IMPG1: variants seen among roughly 807,000 people sequenced by gnomAD.
IMPG1 encodes the protein interphotoreceptor matrix proteoglycan 1.
IMPG1 carries 85 observed loss-of-function variants against 92.0 expected under a neutral mutation model. The ratio of observed to expected loss-of-function variants is 0.92; its 90% CI spans 0.78 to 1.11. The LOEUF is 1.11. IMPG1 is among the 50% of genes least tolerant of loss of function. The pLI is 0.00. For synonymous variants in IMPG1, 367 were observed against 334.1 expected, an observed-to-expected ratio of 1.10 and a Z score of -1.08; for missense variants, 1,022 against 956.0, an observed-to-expected ratio of 1.07 and a Z score of -0.91.
chr6:75,969,403 A>G (rs1782364541), intron 12 of IMPG1, among the ~76,000 whole-genome samples: 1 of 152,200 alleles, frequency 6.6e-6, no homozygotes, highest in Non-Finnish European at 1.5e-5. Flanking sequence ...CATATTTCAA[A>G]ATATCATGTA....
At chr6:76,054,094 ATAAT>A (rs1336220586) in intron 1 of IMPG1, among the ~76,000 whole-genome samples, 1 of 152,156 alleles carries the variant, frequency 6.6e-6, no homozygotes, top group Non-Finnish European at 1.5e-5. Flanking sequence ...ATTTGGGCAA[ATAAT>A]TAATTTCTAT....
At chr6:76,057,883 C>T (rs1489745289) in intron 1 of IMPG1, among the ~76,000 whole-genome samples, 1 of 152,020 alleles carries the variant, frequency 6.6e-6, no homozygotes, top group African/African-American at 2.4e-5. Flanking sequence ...TCTTTGAAAA[C>T]TTTTACTTTA....
chr6:76,015,655 C>A (rs1783272352), intron 7 of IMPG1, among the ~76,000 whole-genome samples: 1 of 151,784 alleles, frequency 6.6e-6, no homozygotes, highest in African/African-American at 2.4e-5. Flanking sequence ...ACAAAATTAG[C>A]CAGCCTTGGT....
At chr6:76,071,063 G>A (rs1215861340) in intron 1 of IMPG1, among the ~76,000 whole-genome samples, 1 of 150,420 alleles carries the variant, frequency 6.6e-6, no homozygotes, top group African/African-American at 2.4e-5. Flanking sequence ...CAGTTTTCTT[G>A]ATAAGCTTAT....
chr6:75,930,943 C>T lies in IMPG1; in HGVS notation c.2243+10G>A. 6.2e-7 allele frequency: 1 copy of T among 1,613,318 alleles called. No homozygotes were observed. The highest frequency in any genetic ancestry group is 1.1e-5 in the South Asian group (1 of 91,056). Reference sequence around the variant, plus strand: ...TTCTTGAGTCTGTGACGTTAGCATGCTTGACCCACCTGCATGGAGCTCCCT... The same window carrying T: ...TTCTTGAGTCTGTGACGTTAGCATGTTTGACCCACCTGCATGGAGCTCCCT... On this transcript the variant is annotated intron_variant, in intron 15 of 16. Coordinates refer to ENST00000369950, the MANE Select transcript of IMPG1 (RefSeq NM_001563.4).
chr6:76,006,643 TAA>T (rs927271190), intron 9 of IMPG1, among the ~76,000 whole-genome samples: 7 of 151,716 alleles, frequency 4.6e-5, no homozygotes, highest in Admixed American at 1.3e-4. Context: ...ATTTTTTAAT[TAA>T]AAAAATACAA....
At chr6:75,940,738 C>T (rs893640148) in intron 14 of IMPG1, among the ~76,000 whole-genome samples, 2 of 152,048 alleles carry the variant, frequency 1.3e-5, no homozygotes, top group South Asian at 4.1e-4. Context: ...GCTTTCCCTT[C>T]CTTCCAATCT....
At chr6:76,001,585 T>C (rs1361099136) in intron 12 of IMPG1, among the ~76,000 whole-genome samples, 1 of 152,156 alleles carries the variant, frequency 6.6e-6, no homozygotes, top group Admixed American at 6.5e-5. Flanking sequence ...CAAGCAACCC[T>C]GTGGAGAGAC....
At chr6:75,948,357 C>T (rs1479967336) in intron 13 of IMPG1, among the ~76,000 whole-genome samples, 2 of 142,222 alleles carry the variant, frequency 1.4e-5, no homozygotes, top group African/African-American at 6.2e-5. Context: ...TTGTCCTTGG[C>T]TCTGAAAGTG....
chr6:76,064,124 T>C (rs192849201), intron 1 of IMPG1, among the ~76,000 whole-genome samples: 15 of 152,242 alleles, frequency 9.9e-5, no homozygotes, highest in African/African-American at 3.4e-4. Flanking sequence ...ACGGCATGTG[T>C]AATCTTGCTA....
chr6:75,922,031 G>T lies in IMPG1; in HGVS notation c.*58C>A. 1.3e-6 allele frequency: 1 copy of T among 798,580 alleles called. No individual in the cohort carries two copies. Among genetic ancestry groups the T allele is most frequent in the Non-Finnish European group, 2.1e-6 (1 of 467,118 alleles). The allele number at this position is 798,580 out of a possible 1,614,324, so 49.5% of individuals were successfully genotyped here. ...GAATATGCCTGTCTCCATTTTCCTTGAGAAGGCAAATCATCTCTCTTGAGA... is the reference window on the plus strand; with the variant it reads ...GAATATGCCTGTCTCCATTTTCCTTTAGAAGGCAAATCATCTCTCTTGAGA... On this transcript the variant is annotated 3_prime_UTR_variant, in exon 17 of 17. Coordinates refer to ENST00000369950, the MANE Select transcript of IMPG1 (RefSeq NM_001563.4).
At chr6:76,034,387 T>C (rs1038522064) in intron 3 of IMPG1, 44 bp from the exon 4 acceptor site, 14 of 1,558,914 alleles carry the variant, frequency 9.0e-6, no homozygotes, top group African/African-American at 1.4e-5. Flanking sequence ...CAGGAGATAA[T>C]GCCAACCGAA....
intron 11 of IMPG1, among the ~76,000 whole-genome samples, chr6:76,003,383 T>C (rs186113873): frequency 1.6e-4 from 25 of 152,294 alleles, no homozygotes; most frequent in African/African-American, 6.0e-4. Context: ...TAGGTTTAAA[T>C]TAAATACAAA....
intron 12 of IMPG1, among the ~76,000 whole-genome samples, chr6:75,977,606 A>G (rs1376121716): frequency 6.6e-6 from 1 of 151,874 alleles, no homozygotes; most frequent in African/African-American, 2.4e-5. Context: ...AAAAAACAAA[A>G]AAAAACCCCC....
At chr6:75,945,409 G>A (rs1312855441) in intron 14 of IMPG1, among the ~76,000 whole-genome samples, 2 of 150,212 alleles carry the variant, frequency 1.3e-5, no homozygotes, top group Non-Finnish European at 3.0e-5. Flanking sequence ...GAGTGCAGTG[G>A]GGGCAATTTT....
At chr6:75,961,251 A>G (rs1782209078) in intron 12 of IMPG1, among the ~76,000 whole-genome samples, 1 of 152,248 alleles carries the variant, frequency 6.6e-6, no homozygotes, top group Admixed American at 6.5e-5. Flanking sequence ...TCTCAAAAGA[A>G]GAGATTCCAT....
chr6:75,940,593 ATTAAAGT>A (rs1033670747), intron 14 of IMPG1, among the ~76,000 whole-genome samples: 3 of 152,194 alleles, frequency 2.0e-5, no homozygotes, highest in African/African-American at 7.2e-5. Context: ...CCAAAATTTT[ATTAAAGT>A]TTAATTTTAA....
chr6:75,948,699 A>G (rs1781973125), intron 13 of IMPG1, among the ~76,000 whole-genome samples: 1 of 152,166 alleles, frequency 6.6e-6, no homozygotes, highest in Non-Finnish European at 1.5e-5. Context: ...GCAGATAGCT[A>G]GGTGCTGCTT....
chr6:76,012,984 A>T (rs1783216367), intron 7 of IMPG1, among the ~76,000 whole-genome samples: 1 of 151,540 alleles, frequency 6.6e-6, no homozygotes, highest in Non-Finnish European at 1.5e-5. Context: ...TTTGAATTCC[A>T]CAAGGTCTTT....
Sources: gnomAD v4.1 joint callset for allele counts (sites outside exome capture counted in the v4.1 genomes callset) on GRCh38, gnomAD v4.1.1 for gene constraint, MANE v1.5 for transcripts, NCBI Gene and HGNC (gene_info 2026-07-23, HGNC 2026-07-21) for gene names.